The following CEP83 variants were observed in gnomAD, a reference collection of about 807,000 sequenced individuals.
CEP83 encodes centrosomal protein 83, also known as centrosomal protein of 83 kDa.
Under a neutral mutation model 101.9 loss-of-function variants are expected in CEP83, and 70 were observed. That is an observed-to-expected ratio of 0.69 (90% CI 0.57 to 0.84). The LOEUF (loss-of-function observed/expected upper bound fraction) is 0.84, where lower values mean the gene tolerates loss of function less well. Ranked by LOEUF, CEP83 falls within the 40% of genes least tolerant of loss-of-function variation. The pLI is 0.00. For synonymous variants in CEP83, 264 were observed against 267.9 expected (o/e 0.99, Z 0.14); for missense variants, 715 against 787.2 (o/e 0.91, Z 1.10).
downstream of CEP83, among the ~76,000 whole-genome samples, chr12:94,302,367 T>C (rs556205915): frequency 2.1e-3 from 323 of 152,202 alleles, 2 homozygotes; most frequent in African/African-American, 7.0e-3. Flanking sequence ...TCATTCATCA[T>C]AAACATTTTA....
At chr12:94,338,953 C>T (rs1341301887) in intron 11 of CEP83, among the ~76,000 whole-genome samples, 1 of 151,342 alleles carries the variant, frequency 6.6e-6, no homozygotes, top group African/African-American at 2.4e-5. Context: ...CTGATATATA[C>T]TATTTCTTTT....
intron 11 of CEP83, among the ~76,000 whole-genome samples, chr12:94,336,335 T>C (rs1319091109): frequency 1.3e-5 from 2 of 152,188 alleles, no homozygotes; most frequent in East Asian, 1.9e-4. Context: ...ATTACACTAA[T>C]TAGGTTTGGC....
At chr12:94,292,722 C>T in the CEP83 span, among the ~76,000 whole-genome samples, 3 of 152,124 alleles carry the variant, frequency 2.0e-5, no homozygotes, top group Admixed American at 2.0e-4. Flanking sequence ...ATAATTTGTG[C>T]ACAAATCAAA....
At chr12:94,326,012 G>A (rs956638365) in intron 14 of CEP83, among the ~76,000 whole-genome samples, 10 of 152,086 alleles carry the variant, frequency 6.6e-5, no homozygotes, top group Admixed American at 2.0e-4. Context: ...TTAGAGTTGA[G>A]GTCCCTAGAT....
At chr12:94,302,862 C>T (rs527588581), downstream of CEP83, among the ~76,000 whole-genome samples, 2 of 152,106 alleles carry the variant, frequency 1.3e-5, no homozygotes, top group Non-Finnish European at 2.9e-5. Flanking sequence ...ACTCTCAATG[C>T]CTGCTCCAGT....
At chr12:94,424,142 C>T (rs545121719) in intron 2 of CEP83, 25 of 1,603,066 alleles carry the variant, frequency 1.6e-5, no homozygotes, top group Admixed American at 8.3e-5. Flanking sequence ...GAGTGCAGAC[C>T]GAGCAAGCAT....
At chr12:94,335,852 G>A in intron 11 of CEP83, 188 bp from the exon 12 acceptor site, 1 of 536,064 alleles carries the variant, frequency 1.9e-6, no homozygotes, top group Non-Finnish European at 3.3e-6. Context: ...CTGCTATTGT[G>A]ATAGGAAAAT....
the CEP83 span, among the ~76,000 whole-genome samples, chr12:94,289,554 C>T: frequency 6.6e-6 from 1 of 152,132 alleles, no homozygotes; most frequent in Non-Finnish European, 1.5e-5. Flanking sequence ...CCCTGCCTCA[C>T]AGGACTAGGG....
intron 8 of CEP83, among the ~76,000 whole-genome samples, chr12:94,371,452 C>G (rs1439957325): frequency 6.6e-6 from 1 of 152,074 alleles, no homozygotes; most frequent in African/African-American, 2.4e-5. Context: ...TTTCCATAGC[C>G]CTTCTCTTTG....
the CEP83 span, chr12:94,282,133 GTAA>G: frequency 1.3e-4 from 22 of 173,456 alleles, no homozygotes; most frequent in Non-Finnish European, 2.0e-4. Flanking sequence ...AACAAACAAA[GTAA>G]AACAGAACTC....
rs113178999 is a variant in CEP83 at position 94,432,574 on chromosome 12, T to G, written c.-102+2701A>C. Among the ~76,000 whole-genome samples the G allele has an allele frequency of 3.8e-3, 584 of 152,114 alleles. 5 individuals are homozygous for G. Among genetic ancestry groups the G allele is most frequent in the African/African-American group, 0.013 (560 of 41,500 alleles). On this transcript the variant is annotated intron_variant, in intron 2 of 16. Transcript: ENST00000397809. ...CATGGAGGTAGAGAATAAAATGATATCAAAGGCCAGGAAGTATGTGTGTGG... is the reference window on the plus strand; with the variant it reads ...CATGGAGGTAGAGAATAAAATGATAGCAAAGGCCAGGAAGTATGTGTGTGG...
chr12:94,382,296 A>T (rs2061894496), intron 6 of CEP83, among the ~76,000 whole-genome samples: 1 of 151,798 alleles, frequency 6.6e-6, no homozygotes. Flanking sequence ...CTTTTCAAAG[A>T]ACCAGCTCTT....
At chr12:94,309,143 G>T (rs959340750) in intron 16 of CEP83, among the ~76,000 whole-genome samples, 3 of 152,150 alleles carry the variant, frequency 2.0e-5, no homozygotes, top group Admixed American at 6.6e-5. Context: ...TCTTCTCTAG[G>T]TATAAAATTC....
At chr12:94,340,313 C>T (rs926516301) in intron 11 of CEP83, among the ~76,000 whole-genome samples, 5 of 152,224 alleles carry the variant, frequency 3.3e-5, no homozygotes, top group Non-Finnish European at 7.3e-5. Flanking sequence ...ACTTCCTCCT[C>T]CTTCACCCAC....
At chr12:94,412,731 C>T (rs1159521101) in intron 2 of CEP83, 140 bp from the exon 3 acceptor site, 1 of 280,928 alleles carries the variant, frequency 3.6e-6, no homozygotes, top group Non-Finnish European at 6.4e-6. Flanking sequence ...GCTCTGTTGC[C>T]CAGGCTAGAG....
intron 14 of CEP83, among the ~76,000 whole-genome samples, chr12:94,325,594 A>G (rs2058941364): frequency 6.6e-6 from 1 of 152,234 alleles, no homozygotes; most frequent in Non-Finnish European, 1.5e-5. Flanking sequence ...TTACTTCTGT[A>G]TTCCAGTGAA....
intron 6 of CEP83, among the ~76,000 whole-genome samples, chr12:94,399,085 T>G (rs977178064): frequency 1.3e-5 from 2 of 152,192 alleles, no homozygotes; most frequent in Non-Finnish European, 2.9e-5. Flanking sequence ...CTTGTGATCT[T>G]TGTTTCTGCC....
intron 7 of CEP83, among the ~76,000 whole-genome samples, chr12:94,377,418 T>A (rs1201636130): frequency 1.3e-5 from 2 of 152,186 alleles, no homozygotes; most frequent in Non-Finnish European, 2.9e-5. Flanking sequence ...ATATATGGCT[T>A]TCACACCATC....
intron 2 of CEP83, chr12:94,434,051 G>C (rs1167982490): frequency 1.3e-5 from 2 of 152,074 alleles, no homozygotes; most frequent in African/African-American, 2.4e-5. Flanking sequence ...TCTAAAGCTG[G>C]CTCTGTCGGG....
Sources: allele counts gnomAD v4.1 joint callset (sites outside exome capture counted in the v4.1 genomes callset), GRCh38; gene constraint gnomAD v4.1.1; transcripts MANE v1.5; gene names NCBI Gene and HGNC (gene_info 2026-07-23, HGNC 2026-07-21).